The following ROBO2 variants were observed in gnomAD, a reference collection of about 807,000 sequenced individuals.
ROBO2 encodes the protein roundabout guidance receptor 2.
A neutral mutation model predicts 160.8 loss-of-function variants in ROBO2; 53 were observed. The ratio of observed to expected loss-of-function variants is 0.33; its 90% CI spans 0.26 to 0.41. The LOEUF is 0.41. Ranked by LOEUF, ROBO2 falls within the 10% of genes least tolerant of loss-of-function variation. The pLI is 1.00. For synonymous variants in ROBO2, 664 were observed against 611.7 expected (o/e 1.09, Z -1.26); for missense variants, 1,577 against 1,722.4 (o/e 0.92, Z 1.49).
chr3:76,075,677 C>T (rs2068625551), intron 2 of ROBO2, among the ~76,000 whole-genome samples: 1 of 152,148 alleles, frequency 6.6e-6, no homozygotes, highest in African/African-American at 2.4e-5. Context: ...AACAAATGAG[C>T]ATCTAAAATC....
intron 2 of ROBO2, among the ~76,000 whole-genome samples, chr3:76,555,352 G>GAAGAAGAAGAAGAA (rs1560140349): frequency 1.1e-4 from 4 of 35,842 alleles, no homozygotes; most frequent in East Asian, 1.4e-3. Context: ...AGGAAGAGTA[G>GAAGAAGAAGAAGAA]GAAGAGAGAA....
intron 5 of ROBO2, among the ~76,000 whole-genome samples, chr3:77,497,531 T>C (rs77293048): frequency 0.11 from 16,304 of 152,152 alleles, 1,121 homozygotes; most frequent in South Asian, 0.21. Context: ...GTTTTTGTTT[T>C]ATATTAGTGA....
chr3:76,291,537 C>T (rs921245512), intron 2 of ROBO2, among the ~76,000 whole-genome samples: 16 of 151,854 alleles, frequency 1.1e-4, no homozygotes, highest in African/African-American at 3.6e-4. Context: ...ACATTCAGCT[C>T]GGGTTTGGGT....
At chr3:77,565,172 T>C in intron 12 of ROBO2, 52 bp downstream of exon 13, 1 of 1,593,578 alleles carries the variant, frequency 6.3e-7, no homozygotes, top group Non-Finnish European at 8.6e-7. Flanking sequence ...ACATCAGATA[T>C]TTAAGAACGA....
At chr3:76,251,386 G>T (rs928812185) in intron 2 of ROBO2, among the ~76,000 whole-genome samples, 1 of 152,024 alleles carries the variant, frequency 6.6e-6, no homozygotes, top group Non-Finnish European at 1.5e-5. Context: ...GTAGATCTAG[G>T]CAGGAAGAGG....
chr3:76,976,112 G>A (rs551414623), intron 2 of ROBO2, among the ~76,000 whole-genome samples: 12 of 152,234 alleles, frequency 7.9e-5, no homozygotes, highest in East Asian at 1.9e-4. Flanking sequence ...GCAATATGTC[G>A]TAAATATCTA....
intron 2 of ROBO2, among the ~76,000 whole-genome samples, chr3:76,947,991 AT>A (rs1213655591): frequency 6.6e-6 from 1 of 151,904 alleles, no homozygotes; most frequent in East Asian, 1.9e-4. Flanking sequence ...GAATAGGATA[AT>A]TTTCCTTTGT....
chr3:77,483,327 C>T (rs559309475), intron 4 of ROBO2, among the ~76,000 whole-genome samples: 5 of 151,874 alleles, frequency 3.3e-5, no homozygotes, highest in Non-Finnish European at 7.4e-5. Flanking sequence ...CCGAGAAACC[C>T]CTTCTGTATC....
intron 2 of ROBO2, among the ~76,000 whole-genome samples, chr3:77,301,267 G>C (rs978752831): frequency 6.6e-6 from 1 of 151,978 alleles, no homozygotes; most frequent in Non-Finnish European, 1.5e-5. Flanking sequence ...GATTTTTAAA[G>C]AGTCCAATTT....
At position 76,957,511 on chromosome 3, in the gene ROBO2, G is replaced by T. The variant is rs13321544; in HGVS notation, c.110-140503G>T. 6.2e-3 allele frequency among the ~76,000 whole-genome samples: 945 copies of T among 152,120 alleles called. 14 individuals carry two copies. Among genetic ancestry groups the T allele is most frequent in the African/African-American group, 0.022 (907 of 41,520 alleles). On this transcript the variant is annotated intron_variant, in intron 2 of 26. Transcript: ENST00000487694. ...ATGTATGCAGATATCTACTGTCTCT[G>T]ATAGAATCAACTATTTTGGTTACAA...
chr3:77,100,482 T>C (rs2071757586), intron 2 of ROBO2, among the ~76,000 whole-genome samples: 2 of 151,956 alleles, frequency 1.3e-5, no homozygotes, highest in African/African-American at 4.8e-5. Context: ...TCACTACCTA[T>C]TGGTAACTAA....
chr3:76,544,908 GTTTC>G (rs889070327), intron 2 of ROBO2, among the ~76,000 whole-genome samples: 3 of 151,930 alleles, frequency 2.0e-5, no homozygotes, highest in East Asian at 1.9e-4. Context: ...GACTCAAGCA[GTTTC>G]TTTCTTTTCT....
intron 2 of ROBO2, among the ~76,000 whole-genome samples, chr3:76,225,892 A>AT (rs548435276): frequency 2.6e-5 from 4 of 152,172 alleles, no homozygotes; most frequent in Admixed American, 6.5e-5. Context: ...TAACTCTAAG[A>AT]TTTTTTTTCC....
chr3:77,217,930 A>G (rs1027581114), intron 2 of ROBO2, among the ~76,000 whole-genome samples: 8 of 152,244 alleles, frequency 5.3e-5, no homozygotes, highest in East Asian at 1.9e-4. Context: ...TTCTCCCTCA[A>G]ATGAGATTAT....
chr3:76,823,491 G>T (rs1204678470), intron 2 of ROBO2, among the ~76,000 whole-genome samples: 1 of 152,032 alleles, frequency 6.6e-6, no homozygotes, highest in Non-Finnish European at 1.5e-5. Context: ...AAGACAGGAG[G>T]GTTCTCACTC....
intron 9 of ROBO2, among the ~76,000 whole-genome samples, chr3:77,560,520 G>T (rs780742895): frequency 6.6e-6 from 1 of 152,006 alleles, no homozygotes; most frequent in Non-Finnish European, 1.5e-5. Context: ...GACAGAAGTG[G>T]GCTTTCCAAT....
chr3:76,495,589 C>G (rs561961324), intron 2 of ROBO2, among the ~76,000 whole-genome samples: 2 of 135,520 alleles, frequency 1.5e-5, no homozygotes, highest in East Asian at 4.6e-4. Context: ...AGACCATTTT[C>G]TAGTTTTTTT....
chr3:75,938,987 G>A lies in ROBO2; in HGVS notation c.109+1385G>A, dbSNP rs78618566. On this transcript the variant is annotated intron_variant, in intron 2 of 26. Coordinates refer to the ROBO2 transcript ENST00000487694. ...ACAAGAATATGTAGACAGTAGCCACGTTGGGTTTCTGTGGCTGTAAGAGTT... is the reference window on the plus strand; with the variant it reads ...ACAAGAATATGTAGACAGTAGCCACATTGGGTTTCTGTGGCTGTAAGAGTT... Among the ~76,000 whole-genome samples the A allele has an allele frequency of 9.3e-4, 142 of 152,242 alleles. 1 individual carries two copies. In the South Asian group the frequency reaches 0.026, roughly 28 times the overall value.
intron 2 of ROBO2, among the ~76,000 whole-genome samples, chr3:76,382,095 A>G (rs747584866): frequency 1.2e-4 from 19 of 152,050 alleles, no homozygotes; most frequent in Admixed American, 3.9e-4. Context: ...CCTACCTAGT[A>G]GCTGGGACTA....
Sources: allele counts gnomAD v4.1 joint callset (sites outside exome capture counted in the v4.1 genomes callset), GRCh38; gene constraint gnomAD v4.1.1; transcripts MANE v1.5; gene names NCBI Gene and HGNC (gene_info 2026-07-23, HGNC 2026-07-21).